Variants in CCDC38 observed in about 807,000 individuals in gnomAD.
CCDC38 encodes the protein coiled-coil domain containing 38.
A neutral mutation model predicts 72.8 loss-of-function variants in CCDC38; 69 were observed. That is an observed-to-expected ratio of 0.95 (90% CI 0.78 to 1.16). The LOEUF (loss-of-function observed/expected upper bound fraction) is 1.16, where lower values mean the gene tolerates loss of function less well. CCDC38 is among the 50% of genes most tolerant of loss of function. The pLI is 0.00. For synonymous variants in CCDC38, 201 were observed against 213.2 expected (o/e 0.94, Z 0.50); for missense variants, 626 against 638.9 (o/e 0.98, Z 0.22).
rs1237172440 is a variant in CCDC38 at position 95,917,296 on chromosome 12, T to G, written c.139-2A>C. ...CATGTTACGGTTCATAAATTTTTCC[T>G]GCCCAAGTGGAAAAGTTGAAAAGAA... On this transcript the variant is annotated splice_acceptor_variant, in intron 3 of 15. Coordinates refer to ENST00000344280, the MANE Select transcript of CCDC38 (RefSeq NM_182496.3). LOFTEE classifies it high-confidence loss of function. 2 of 1,584,342 alleles carry G rather than the reference T, an allele frequency of 1.3e-6. No individual in the cohort carries two copies. Among genetic ancestry groups the G allele is most frequent in the African/African-American group, 2.7e-5 (2 of 72,880 alleles).
chr12:95,919,623 G>A (rs1371672538), intron 2 of CCDC38: 1 of 455,944 alleles, frequency 2.2e-6, no homozygotes, highest in Non-Finnish European at 4.4e-6. Flanking sequence ...AGCTCTTACT[G>A]CTTCATGAGG....
At chr12:95,917,379 T>G (rs1450005732) in intron 3 of CCDC38, 85 bp from the exon 4 acceptor site, 1 of 1,143,252 alleles carries the variant, frequency 8.7e-7, no homozygotes, top group East Asian at 2.8e-5. Context: ...AAAAATAACA[T>G]TTGCAACAAA....
chr12:95,883,601 C>T (rs1346241647), intron 10 of CCDC38, among the ~76,000 whole-genome samples: 1 of 152,236 alleles, frequency 6.6e-6, no homozygotes, highest in African/African-American at 2.4e-5. Flanking sequence ...CATGCCCTCA[C>T]CTCTCCTCTG....
intron 10 of CCDC38, chr12:95,885,566 G>A (rs553307319): frequency 1.3e-5 from 2 of 159,534 alleles, no homozygotes; most frequent in Admixed American, 1.3e-4. Context: ...ATCAGTTACA[G>A]ACCAGTGCTG....
At chr12:95,881,753 C>A (rs1236088280) in intron 10 of CCDC38, among the ~76,000 whole-genome samples, 199 bp from the exon 11 acceptor site, 1 of 152,074 alleles carries the variant, frequency 6.6e-6, no homozygotes, top group African/African-American at 2.4e-5. Context: ...GGATTCTGTC[C>A]CAGACACAGC....
intron 13 of CCDC38, among the ~76,000 whole-genome samples, chr12:95,876,873 C>T (rs2079642045): frequency 1.3e-5 from 2 of 152,146 alleles, no homozygotes; most frequent in South Asian, 4.2e-4. Flanking sequence ...ACGCAAGCCT[C>T]CTTAACAACT....
chr12:95,926,218 C>A (rs2080269059), intron 2 of CCDC38, among the ~76,000 whole-genome samples: 1 of 148,978 alleles, frequency 6.7e-6, no homozygotes, highest in African/African-American at 2.5e-5. Flanking sequence ...ACAATTTCAG[C>A]TCCTGTTATT....
At chr12:95,942,069 G>A (rs543407759) in intron 1 of CCDC38, among the ~76,000 whole-genome samples, 2 of 151,822 alleles carry the variant, frequency 1.3e-5, no homozygotes, top group South Asian at 4.2e-4. Flanking sequence ...TGGGTTTGCA[G>A]GCTTAGTCTG....
intron 5 of CCDC38, among the ~76,000 whole-genome samples, chr12:95,905,728 T>C (rs943461901): frequency 6.6e-6 from 1 of 152,228 alleles, no homozygotes; most frequent in Non-Finnish European, 1.5e-5. Flanking sequence ...AATTCATTCA[T>C]TTTGTAATTA....
intron 7 of CCDC38, among the ~76,000 whole-genome samples, chr12:95,895,836 T>A (rs1448943870): frequency 6.9e-6 from 1 of 144,204 alleles, no homozygotes; most frequent in Admixed American, 7.0e-5. Flanking sequence ...GGAGGGCAGA[T>A]CATGAGGTCA....
intron 10 of CCDC38, among the ~76,000 whole-genome samples, chr12:95,883,234 T>C (rs1168745788): frequency 6.6e-6 from 1 of 152,200 alleles, no homozygotes; most frequent in African/African-American, 2.4e-5. Context: ...TTTCATTCTC[T>C]AAAATACTGC....
At chr12:95,869,422 G>T in intron 15 of CCDC38, 58 bp downstream of exon 15, 1 of 1,284,538 alleles carries the variant, frequency 7.8e-7, no homozygotes, top group Non-Finnish European at 1.1e-6. Flanking sequence ...AAAGTATTTT[G>T]TTTTTGTATT....
intron 13 of CCDC38, among the ~76,000 whole-genome samples, chr12:95,875,089 C>T (rs2121417363): frequency 6.6e-6 from 1 of 152,302 alleles, no homozygotes; most frequent in East Asian, 1.9e-4. Context: ...ATGGATGAGT[C>T]TCACAAACAC....
At chr12:95,884,993 A>G (rs1035091119) in intron 10 of CCDC38, among the ~76,000 whole-genome samples, 3 of 152,244 alleles carry the variant, frequency 2.0e-5, no homozygotes, top group Non-Finnish European at 4.4e-5. Context: ...AATTCCAGAA[A>G]GTTTTTTTGT....
intron 4 of CCDC38, 51 bp from the exon 5 acceptor site, chr12:95,906,502 T>A: frequency 1.6e-6 from 2 of 1,268,702 alleles, no homozygotes; most frequent in Non-Finnish European, 2.3e-6. Flanking sequence ...TCCTTAAAAA[T>A]GCTGTATAAA....
rs1565938381 is a variant in CCDC38 at position 95,867,152 on chromosome 12, G to A, written c.1616C>T (p.Ser539Phe). 2 of 1,608,448 alleles carry A rather than the reference G, an allele frequency of 1.2e-6. No individual in the cohort carries two copies. The highest frequency in any genetic ancestry group is 1.7e-6 in the Non-Finnish European group (2 of 1,176,772). ...TAAAGGTAGCTGCTGTTTGTTACCA[G>A]ATGGAGGTTTTGAATGAAAGACAAG... Reference protein sequence around the residue: ...RRLVFHSKPPSGNKQQLPLVN... With the variant: ...RRLVFHSKPPFGNKQQLPLVN... Residue 539 changes from serine to phenylalanine, a missense_variant, in exon 16 of 16, where the codon TCT (serine) becomes TTT (phenylalanine). Coordinates refer to ENST00000344280, the MANE Select transcript of CCDC38 (RefSeq NM_182496.3).
At position 95,895,092 on chromosome 12, in the gene CCDC38, A is replaced by T. The variant is rs368048454; in HGVS notation, c.669T>A (p.Phe223Leu). ...LLREYMKYGF[F>L]LLQMSPKHWQ... The stretch of plus-strand genomic sequence containing the variant: ...AATGTTTTGGAGACATTTGCAGCAG[A>T]AAAAAACCATATTTCATATACTCCC... The change falls in exon 8 of 16, where the codon TTT becomes TTA. Residue 223 changes from phenylalanine (F) to leucine (L), a missense_variant. Coordinates refer to ENST00000344280, the MANE Select transcript of CCDC38 (RefSeq NM_182496.3). 1 of 1,612,330 alleles carries T rather than the reference A, an allele frequency of 6.2e-7. No homozygotes were observed. Among genetic ancestry groups the T allele is most frequent in the African/African-American group, 1.3e-5 (1 of 74,950 alleles).
intron 4 of CCDC38, among the ~76,000 whole-genome samples, chr12:95,910,826 T>C (rs2080085495): frequency 6.6e-6 from 1 of 152,226 alleles, no homozygotes; most frequent in Non-Finnish European, 1.5e-5. Context: ...ATCATGCTAC[T>C]GCACTTCAGC....
At chr12:95,912,474 G>C (rs114597780) in intron 4 of CCDC38, among the ~76,000 whole-genome samples, 1 of 152,134 alleles carries the variant, frequency 6.6e-6, no homozygotes, top group Non-Finnish European at 1.5e-5. Flanking sequence ...TGGGGGTGGG[G>C]GGATAGGAAG....
Sources: allele counts gnomAD v4.1 joint callset (sites outside exome capture counted in the v4.1 genomes callset), GRCh38; gene constraint gnomAD v4.1.1; transcripts MANE v1.5; gene names NCBI Gene and HGNC (gene_info 2026-07-23, HGNC 2026-07-21).